KIF3C: variants seen among roughly 807,000 people sequenced by gnomAD.
KIF3C encodes kinesin family member 3C.
KIF3C carries 12 observed loss-of-function variants against 67.7 expected under a neutral mutation model. The observed-to-expected ratio is 0.18, with a 90% CI of 0.11 to 0.29. KIF3C has a LOEUF of 0.29. Among genes scored for constraint, KIF3C ranks in the 10% least tolerant of loss-of-function variants. The pLI, the probability that KIF3C is intolerant of heterozygous loss-of-function variation, is 1.00. For synonymous variants in KIF3C, 393 were observed against 426.2 expected (o/e 0.92, Z 0.96); for missense variants, 789 against 1,059.6 (o/e 0.74, Z 3.55).
chr2:25,974,303 C>T (rs1366427896), intron 1 of KIF3C, among the ~76,000 whole-genome samples: 7 of 152,064 alleles, frequency 4.6e-5, no homozygotes, highest in Non-Finnish European at 8.8e-5. Flanking sequence ...CTCCTGACCT[C>T]GTGATCCACC....
intron 5 of KIF3C, among the ~76,000 whole-genome samples, chr2:25,937,919 G>C (rs1663175691): frequency 6.6e-6 from 1 of 151,600 alleles, no homozygotes; most frequent in Non-Finnish European, 1.5e-5. Flanking sequence ...GCTGGGTGTG[G>C]TAGCATGCAC....
At chr2:25,970,844 G>C (rs565157656) in intron 1 of KIF3C, among the ~76,000 whole-genome samples, 1 of 151,728 alleles carries the variant, frequency 6.6e-6, no homozygotes, top group African/African-American at 2.4e-5. Flanking sequence ...AGCTCAGCCC[G>C]GCAGGGCATG....
intron 5 of KIF3C, among the ~76,000 whole-genome samples, chr2:25,947,659 A>T (rs2149229382): frequency 6.6e-6 from 1 of 152,314 alleles, no homozygotes; most frequent in Non-Finnish European, 1.5e-5. Context: ...TTTAATTTTT[A>T]AAATCTGTGA....
intron 5 of KIF3C, among the ~76,000 whole-genome samples, chr2:25,931,254 C>T (rs2090456526): frequency 1.3e-5 from 2 of 151,682 alleles, no homozygotes; most frequent in African/African-American, 4.8e-5. Flanking sequence ...GTCAGTAGTT[C>T]GAGACCAGCC....
intron 6 of KIF3C, 54 bp from the exon 7 acceptor site, chr2:25,929,531 T>A: frequency 6.6e-7 from 1 of 1,525,256 alleles, no homozygotes; most frequent in Non-Finnish European, 9.0e-7. Flanking sequence ...CTGTGCCTTC[T>A]AGGGACTCAG....
At chr2:25,967,881 G>A (rs13399065) in intron 1 of KIF3C, among the ~76,000 whole-genome samples, 20,341 of 152,142 alleles carry the variant, frequency 0.13, 1,495 homozygotes, top group African/African-American at 0.18. Context: ...GCGAGTTTGA[G>A]AATAGATGTG....
At chr2:25,968,985 A>G (rs890661834) in intron 1 of KIF3C, among the ~76,000 whole-genome samples, 5 of 152,040 alleles carry the variant, frequency 3.3e-5, no homozygotes, top group African/African-American at 1.2e-4. Context: ...CACCACACCC[A>G]GCTAATTTTT....
chr2:25,967,711 A>G (rs779939324), intron 1 of KIF3C, among the ~76,000 whole-genome samples: 6 of 152,142 alleles, frequency 3.9e-5, no homozygotes, highest in African/African-American at 7.2e-5. Flanking sequence ...CTGTAATCTC[A>G]TCTACTTGGG....
intron 1 of KIF3C, among the ~76,000 whole-genome samples, chr2:25,972,278 G>A (rs1281817351): frequency 3.9e-5 from 6 of 152,216 alleles, no homozygotes; most frequent in Admixed American, 6.5e-5. Flanking sequence ...CACATAGCAC[G>A]AGAAACCTAA....
chr2:25,979,304 G>A (rs551092859), intron 1 of KIF3C, among the ~76,000 whole-genome samples: 15 of 152,212 alleles, frequency 9.9e-5, no homozygotes, highest in Non-Finnish European at 1.8e-4. Flanking sequence ...GGAAGGTCCC[G>A]GGGGTGAGGA....
chr2:25,954,280 C>G lies in KIF3C; in HGVS notation c.1876G>C (p.Glu626Gln). 6.2e-7 allele frequency: 1 copy of G among 1,613,780 alleles called. No homozygotes were observed. The highest frequency in any genetic ancestry group is 8.5e-7 in the Non-Finnish European group (1 of 1,179,722). The change falls in exon 4 of 8, where the codon GAA becomes CAA. Residue 626 changes from glutamate (E) to glutamine (Q), a missense_variant. By Grantham distance (29) the Glu-to-Gln change is conservative (BLOSUM62 2). Coordinates refer to ENST00000264712, the MANE Select transcript of KIF3C (RefSeq NM_002254.8). ...LEEAQNEQTR[E>Q]LKLKYLIIEN... ...TGCGGGCCCTACTTGAGCTTGAGTTCGCGGGTCTGCTCGTTCTGCGCCTCC... is the reference window on the plus strand; with the variant it reads ...TGCGGGCCCTACTTGAGCTTGAGTTGGCGGGTCTGCTCGTTCTGCGCCTCC...
At chr2:25,953,672 G>GTTTT (rs70950142) in intron 4 of KIF3C, among the ~76,000 whole-genome samples, 1 of 99,598 alleles carries the variant, frequency 1.0e-5, no homozygotes. Flanking sequence ...TTTTGTTTTT[G>GTTTT]TTTTTTTTTT....
At chr2:25,963,053 T>G (rs190958559) in intron 1 of KIF3C, among the ~76,000 whole-genome samples, 8,857 of 80,080 alleles carry the variant, frequency 0.11, 1,034 homozygotes, top group African/African-American at 0.15. Context: ...TATATAAATA[T>G]ATAAATATAT....
chr2:25,928,911 G>C lies in KIF3C; in HGVS notation c.*67C>G, dbSNP rs572019857. ...CACGCACACGCACCAAGCGGCAGAT[G>C]AGATGAGCCAGGGTTGGCTGCCCCA... On this transcript the variant is annotated 3_prime_UTR_variant, in exon 8 of 8. Transcript: ENST00000264712. 123 of 1,353,450 alleles carry C rather than the reference G, an allele frequency of 9.1e-5. No homozygotes were observed. The highest frequency in any genetic ancestry group is 1.1e-4 in the Non-Finnish European group (110 of 957,470). 83.8% of individuals were successfully genotyped at this position (1,353,450 alleles called of 1,614,324 possible).
At position 25,929,378 on chromosome 2, in the gene KIF3C, T is replaced by C. The variant is rs771892151; in HGVS notation, c.2215A>G (p.Met739Val). ...DQEQDPRALH[M>V]ERLMRLDSFL... ...CTGTCCAATCGCATGAGCCTCTCCATGTGTAGCGCACGAGGGTCTTGTTCT... is the reference window on the plus strand; with the variant it reads ...CTGTCCAATCGCATGAGCCTCTCCACGTGTAGCGCACGAGGGTCTTGTTCT... The change falls in exon 7 of 8, where the codon ATG becomes GTG. Residue 739 changes from methionine to valine, a missense_variant. Met to Val is a conservative substitution (Grantham distance 21). Around this residue, in one of 2 missense-constraint regions of KIF3C, gnomAD observed 648 missense variants for 807.8 expected, o/e 0.80. Transcript: ENST00000264712. The C allele has an allele frequency of 1.9e-6, 3 of 1,614,130 alleles. No individual in the cohort carries two copies. The highest frequency in any genetic ancestry group is 2.2e-5 in the East Asian group (1 of 44,874).
intron 5 of KIF3C, among the ~76,000 whole-genome samples, chr2:25,941,310 A>T (rs1663278619): frequency 6.6e-6 from 1 of 151,934 alleles, no homozygotes; most frequent in African/African-American, 2.4e-5. Context: ...TCTCAAAAAA[A>T]GAAAGAAAAG....
chr2:25,937,603 C>T (rs1436592214), intron 5 of KIF3C, among the ~76,000 whole-genome samples: 2 of 152,190 alleles, frequency 1.3e-5, no homozygotes, highest in Non-Finnish European at 2.9e-5. Flanking sequence ...TTATTTACAA[C>T]GTGCTTCTAC....
chr2:25,962,616 A>T (rs1663976390), intron 1 of KIF3C, among the ~76,000 whole-genome samples: 1 of 148,660 alleles, frequency 6.7e-6, no homozygotes, highest in Admixed American at 7.0e-5. Flanking sequence ...ACCTATGGTG[A>T]TCCACCCACC....
At position 25,977,400 on chromosome 2, in the gene KIF3C, G is replaced by A. The variant is rs923176515; in HGVS notation, c.1545+2973C>T. On this transcript the variant is annotated intron_variant, in intron 1 of 7. Transcript: ENST00000264712. ...AATGGGAGCTGGTCAGGGAAGAAGC[G>A]GAGTTGATGCCATAACTCAGAAAGG... is the stretch of plus-strand genomic sequence containing the variant. 3.9e-5 allele frequency among the ~76,000 whole-genome samples: 6 copies of A among 152,128 alleles called. No homozygotes were observed. The East Asian group carries it at 5.8e-4, about 15-fold the overall frequency.
Sources: gnomAD v4.1 joint callset for allele counts (sites outside exome capture counted in the v4.1 genomes callset) on GRCh38, gnomAD v4.1.1 for gene constraint, gnomAD v4.1.1 regional missense constraint, MANE v1.5 for transcripts, NCBI Gene and HGNC (gene_info 2026-07-23, HGNC 2026-07-21) for gene names.